SKA1: variants seen among roughly 807,000 people sequenced by gnomAD.
The protein encoded by SKA1 is spindle and kinetochore associated complex subunit 1.
In SKA1, 20 loss-of-function variants were observed where a neutral mutation model predicts 31.8. The ratio of observed to expected loss-of-function variants is 0.63; its 90% CI spans 0.44 to 0.91. The LOEUF (loss-of-function observed/expected upper bound fraction) is 0.91. Ranked by LOEUF, SKA1 falls within the 40% of genes least tolerant of loss-of-function variation. The probability of loss-of-function intolerance (pLI) is 0.00; values close to 1 mark genes in which losing one functional copy is unlikely to be tolerated. For synonymous variants in SKA1, 88 were observed against 100.5 expected (o/e 0.88, Z 0.74); for missense variants, 253 against 298.2 (o/e 0.85, Z 1.12).
At chr18:50,377,648 T>G (rs1202149762) in intron 2 of SKA1, among the ~76,000 whole-genome samples, 1 of 152,208 alleles carries the variant, frequency 6.6e-6, no homozygotes, top group Non-Finnish European at 1.5e-5. Context: ...TCCCTAACCT[T>G]ATCTGGGAGG....
At chr18:50,387,213 A>G (rs1242873091) in intron 5 of SKA1, among the ~76,000 whole-genome samples, 1 of 152,236 alleles carries the variant, frequency 6.6e-6, no homozygotes, top group East Asian at 1.9e-4. Context: ...TAATAGGTGT[A>G]TAGTGGTATC....
intron 4 of SKA1, among the ~76,000 whole-genome samples, chr18:50,384,892 G>GAAAA (rs796154111): frequency 2.9e-5 from 2 of 68,572 alleles, no homozygotes; most frequent in Non-Finnish European, 5.5e-5. Context: ...AAAAAAAAAG[G>GAAAA]AAAAAAAAAA....
At chr18:50,385,520 G>T (rs1354658977) in intron 5 of SKA1, among the ~76,000 whole-genome samples, 167 bp downstream of exon 5, 1 of 152,114 alleles carries the variant, frequency 6.6e-6, no homozygotes, top group Non-Finnish European at 1.5e-5. Flanking sequence ...GAAGATTTTT[G>T]TTGTAAAACC....
At chr18:50,379,961 G>T (rs946170055) in intron 2 of SKA1, among the ~76,000 whole-genome samples, 165 bp from the exon 3 acceptor site, 15 of 152,174 alleles carry the variant, frequency 9.9e-5, no homozygotes, top group African/African-American at 3.6e-4. Flanking sequence ...ACTTAGAAAT[G>T]AGGTTTCAGG....
At position 50,375,882 on chromosome 18, in the gene SKA1, G is replaced by A. The variant is rs1454219671; in HGVS notation, c.52G>A (p.Gly18Ser). 3 of 1,610,664 alleles carry A rather than the reference G, an allele frequency of 1.9e-6. No individual in the cohort carries two copies. Among genetic ancestry groups the A allele is most frequent in the South Asian group, 1.1e-5 (1 of 90,502 alleles). Reference sequence around the variant, plus strand: ...ATGCTCTCATGTTAATGAAAAGATTGGCAATATTAAGAAAACCTTATCATT... The same window carrying A: ...ATGCTCTCATGTTAATGAAAAGATTAGCAATATTAAGAAAACCTTATCATT... ...QLCSHVNEKIGNIKKTLSLRN... is the reference protein window; with the variant it reads ...QLCSHVNEKISNIKKTLSLRN... The change falls in exon 2 of 7, where the codon GGC becomes AGC. Residue 18 changes from glycine to serine, a missense_variant. Transcript: ENST00000285116.
intron 4 of SKA1, among the ~76,000 whole-genome samples, chr18:50,383,724 A>T (rs1382497133): frequency 6.6e-6 from 1 of 152,224 alleles, no homozygotes; most frequent in Non-Finnish European, 1.5e-5. Flanking sequence ...GATAGGTGAG[A>T]GCAGAACCTT....
rs9952721 is a variant in SKA1 at position 50,392,854 on chromosome 18, T to C, written c.*607T>C. The C allele has an allele frequency of 0.46, 69,631 of 150,738 alleles. 17,585 individuals are homozygous for C. Among genetic ancestry groups the C allele is most frequent in the African/African-American group, 0.64 (26,308 of 40,914 alleles). 9.3% of individuals were successfully genotyped at this position (150,738 alleles called of 1,614,324 possible). On this transcript the variant is annotated 3_prime_UTR_variant, in exon 7 of 7. Coordinates refer to ENST00000285116, the MANE Select transcript of SKA1 (RefSeq NM_145060.4). The stretch of plus-strand genomic sequence containing the variant: ...ACGCCATCCTCCTGCCTCAGCCTCC[T>C]GAGTAGCTGGGACTACAGGCACCTG...
chr18:50,392,035 A>G, intron 6 of SKA1, 64 bp from the exon 7 acceptor site: 1 of 1,262,160 alleles, frequency 7.9e-7, no homozygotes, highest in Non-Finnish European at 1.1e-6. Flanking sequence ...TCACAACTTA[A>G]TGTATTAAAG....
At chr18:50,376,099 G>A (rs2041213175) in intron 2 of SKA1, among the ~76,000 whole-genome samples, 181 bp downstream of exon 2, 2 of 152,094 alleles carry the variant, frequency 1.3e-5, no homozygotes. Context: ...AAAATGTAAG[G>A]TACATTGAAC....
intron 5 of SKA1, among the ~76,000 whole-genome samples, chr18:50,387,420 GGTT>G (rs2149322347): frequency 6.6e-6 from 1 of 152,176 alleles, no homozygotes; most frequent in Admixed American, 6.5e-5. Flanking sequence ...TTTTAAAGTG[GGTT>G]GTTTGTTTTC....
intron 3 of SKA1, among the ~76,000 whole-genome samples, chr18:50,381,870 C>T (rs2041266255): frequency 6.6e-6 from 1 of 151,908 alleles, no homozygotes; most frequent in African/African-American, 2.4e-5. Flanking sequence ...GGACTATAGG[C>T]GCGTGCCACC....
At chr18:50,380,941 T>C (rs1314203048) in intron 3 of SKA1, among the ~76,000 whole-genome samples, 1 of 152,242 alleles carries the variant, frequency 6.6e-6, no homozygotes, top group African/African-American at 2.4e-5. Flanking sequence ...AGCCTTATAA[T>C]CCTTAAAGTC....
rs1205864048 is a variant in SKA1, at chr18:50,392,905, AT to A, written c.*663del. The A allele has an allele frequency of 6.7e-6, 1 of 150,218 alleles. No homozygotes were observed. The highest frequency in any genetic ancestry group is 1.5e-5 in the Non-Finnish European group (1 of 67,620). The allele number at this position is 150,218 out of a possible 1,614,324, so 9.3% of individuals were successfully genotyped here. A position where few individuals can be genotyped will look rare whatever the true frequency, so the allele number is the denominator to read the frequency against. ...CCACCACGCCCAGCTAATTTTTTGTATTTTTAGTAGAGATGGGGTTTCACCG... is the reference window on the plus strand; with the variant it reads ...CCACCACGCCCAGCTAATTTTTTGTATTTTAGTAGAGATGGGGTTTCACCG... On this transcript the variant is annotated 3_prime_UTR_variant, in exon 7 of 7. Coordinates refer to ENST00000285116, the MANE Select transcript of SKA1 (RefSeq NM_145060.4).
At chr18:50,375,994 C>A in intron 2 of SKA1, 76 bp downstream of exon 2, 1 of 906,822 alleles carries the variant, frequency 1.1e-6, no homozygotes, top group South Asian at 1.6e-5. Context: ...GATATCTTTG[C>A]TTGGTTAAGT....
At chr18:50,390,807 CTG>C (rs1273164214) in intron 5 of SKA1, among the ~76,000 whole-genome samples, 1 of 152,036 alleles carries the variant, frequency 6.6e-6, no homozygotes, top group African/African-American at 2.4e-5. Flanking sequence ...ACATTTAAAA[CTG>C]TTTAAATAAA....
In SKA1 at chr18:50,375,805, T is replaced by C. The variant is rs1000680377; in HGVS notation, c.-11-15T>C. On this transcript the variant is annotated splice_polypyrimidine_tract_variant and intron_variant, in intron 1 of 6. Coordinates refer to ENST00000285116, the MANE Select transcript of SKA1 (RefSeq NM_145060.4). ...GCTTTTCTTGTTACGAATATGTTTA[T>C]GTTTTTTTCTTCAGAGGCTTAAAGG... 2 of 1,495,140 alleles carry C rather than the reference T, an allele frequency of 1.3e-6. No homozygotes were observed. The highest frequency in any genetic ancestry group is 1.8e-6 in the Non-Finnish European group (2 of 1,098,062). The allele number at this position is 1,495,140 out of a possible 1,614,324, so 92.6% of individuals were successfully genotyped here.
rs747605789 is a variant in SKA1 at position 50,382,140 on chromosome 18, A to G, written c.225A>G (p.Glu75=). The change falls in exon 4 of 7, where the codon GAA becomes GAG. Residue 75 remains glutamate, a synonymous_variant. Transcript: ENST00000285116. ...CTTTTAAATTTTAGGAACTCTGTGAATCTCTTGAAGAAGATTACAAAGACA... is the reference window on the plus strand; with the variant it reads ...CTTTTAAATTTTAGGAACTCTGTGAGTCTCTTGAAGAAGATTACAAAGACA... ...QTNNSLKELC[E]SLEEDYKDIE... is the part of the protein sequence containing the mutation. 33 of 1,533,274 alleles carry G rather than the reference A, an allele frequency of 2.2e-5. No homozygotes were observed. The Middle Eastern group carries it at 5.1e-4, about 24-fold the overall frequency. 95.0% of individuals were successfully genotyped at this position (1,533,274 alleles called of 1,614,324 possible).
chr18:50,378,655 A>C (rs1023604893), intron 2 of SKA1, among the ~76,000 whole-genome samples: 8 of 125,098 alleles, frequency 6.4e-5, no homozygotes, highest in Non-Finnish European at 1.4e-4. Flanking sequence ...AGCCTGGGTG[A>C]CAGAGAAAGA....
intron 2 of SKA1, among the ~76,000 whole-genome samples, chr18:50,377,980 G>A (rs183945918): frequency 4.7e-4 from 71 of 152,300 alleles, no homozygotes; most frequent in African/African-American, 1.7e-3. Flanking sequence ...TCGGAAGTCA[G>A]GTGGCTGGCC....
Sources: gnomAD v4.1 joint callset for allele counts (sites outside exome capture counted in the v4.1 genomes callset) on GRCh38, gnomAD v4.1.1 for gene constraint, MANE v1.5 for transcripts, NCBI Gene and HGNC (gene_info 2026-07-23, HGNC 2026-07-21) for gene names.